The following WNK1 variants were observed in gnomAD, a reference collection of about 807,000 sequenced individuals.
The protein encoded by WNK1 is serine/threonine-protein kinase WNK1.
WNK1 carries 38 observed loss-of-function variants against 222.8 expected under a neutral mutation model. The ratio of observed to expected loss-of-function variants is 0.17; its 90% CI spans 0.13 to 0.22. WNK1 has a LOEUF of 0.22. WNK1 is among the 10% of genes least tolerant of loss of function. The pLI is 1.00. For missense variants in WNK1, 2,348 were observed against 2,918.4 expected (o/e 0.80, Z 4.50); for synonymous variants, 1,090 against 1,092.9 (o/e 1.00, Z 0.05).
chr12:909,043 CTGTTTAT>C lies in WNK1; in HGVS notation c.*252_*258del. Reference sequence around the variant, plus strand: ...AGGGGCAGCTTCAGACCATGCTTTCCTGTTTATCTATACTCAGTAATGAGGATGAGGG... The same window carrying C: ...AGGGGCAGCTTCAGACCATGCTTTCCCTATACTCAGTAATGAGGATGAGGG... On this transcript the variant is annotated 3_prime_UTR_variant, in exon 28 of 28. Coordinates refer to ENST00000315939, the MANE Select transcript of WNK1 (RefSeq NM_018979.4). 1 of 529,024 alleles carries C rather than the reference CTGTTTAT, an allele frequency of 1.9e-6. No individual in the cohort carries two copies. The highest frequency in any genetic ancestry group is 3.4e-6 in the Non-Finnish European group (1 of 292,402). 32.8% of individuals were successfully genotyped at this position (529,024 alleles called of 1,614,324 possible).
chr12:862,802 A>C lies in WNK1; in HGVS notation c.2139+532A>C, dbSNP rs72648696. On this transcript the variant is annotated intron_variant, in intron 8 of 27. Coordinates refer to ENST00000315939, the MANE Select transcript of WNK1 (RefSeq NM_018979.4). ...TTGCTGTGTGTGTTCCTGCCTTTTAAAGTCTGTGTTGGACACAAGTTCCTT... is the reference window on the plus strand; with the variant it reads ...TTGCTGTGTGTGTTCCTGCCTTTTACAGTCTGTGTTGGACACAAGTTCCTT... Among the ~76,000 whole-genome samples the C allele has an allele frequency of 2.3e-4, 35 of 152,252 alleles. 1 individual carries two copies. The highest frequency in any genetic ancestry group is 8.4e-4 in the African/African-American group (35 of 41,536).
At chr12:906,361 C>T (rs1432486079) in intron 26 of WNK1, 2 of 985,322 alleles carry the variant, frequency 2.0e-6, no homozygotes, top group Non-Finnish European at 2.4e-6. Flanking sequence ...TAGACTCCCT[C>T]CTCTCTCATC....
chr12:825,973 G>C (rs965623279), intron 2 of WNK1, among the ~76,000 whole-genome samples: 15 of 152,270 alleles, frequency 9.9e-5, no homozygotes, highest in African/African-American at 3.6e-4. Context: ...AGAGGTCTCT[G>C]TTCAGTTCTT....
At chr12:822,381 C>T (rs1303996321) in intron 2 of WNK1, among the ~76,000 whole-genome samples, 1 of 152,184 alleles carries the variant, frequency 6.6e-6, no homozygotes, top group Non-Finnish European at 1.5e-5. Context: ...GCGTAAGCCA[C>T]CGCCCGCAGC....
chr12:890,605 C>T lies in WNK1; in HGVS notation c.5509+92C>T, dbSNP rs924313399. 13 of 1,323,728 alleles carry T rather than the reference C, an allele frequency of 9.8e-6. No individual in the cohort carries two copies. The African/African-American group carries it at 1.0e-4, about 10-fold the overall frequency. The allele number at this position is 1,323,728 out of a possible 1,614,324, so 82.0% of individuals were successfully genotyped here. A position where few individuals can be genotyped will look rare whatever the true frequency, so the allele number is the denominator to read the frequency against. ...TTACCGTTTCAAAGACACATTTCCA[C>T]GTATTTGATAACTGAGGAGCATTGG... On this transcript the variant is annotated intron_variant, in intron 22 of 27. Transcript: ENST00000315939.
chr12:891,147 C>CT (rs1025465750), intron 22 of WNK1, among the ~76,000 whole-genome samples: 6 of 151,092 alleles, frequency 4.0e-5, no homozygotes, highest in Admixed American at 1.3e-4. Flanking sequence ...TGGAATATTT[C>CT]TTTTTTTTTG....
rs1255046551 is a variant in WNK1 at position 827,523 on chromosome 12, G to C, written c.1153+261G>C. ...AAAACCTAATGTAATAGCCTTTTTT[G>C]TTGTTGTTGTTGTTGTTGTTGTTGA... is the stretch of plus-strand genomic sequence containing the variant. On this transcript the variant is annotated intron_variant, in intron 3 of 27. Transcript: ENST00000315939. The surrounding 1 kb of genome is among the most constrained non-coding windows in gnomAD (Gnocchi z 4.6). The C allele has an allele frequency of 1.2e-4, 5 of 43,128 alleles. No individual in the cohort carries two copies. The highest frequency in any genetic ancestry group is 2.0e-4 in the Non-Finnish European group (5 of 24,920). 2.7% of individuals were successfully genotyped at this position (43,128 alleles called of 1,614,324 possible).
At chr12:782,202 A>G (rs1308926069) in intron 1 of WNK1, among the ~76,000 whole-genome samples, 2 of 152,210 alleles carry the variant, frequency 1.3e-5, no homozygotes, top group African/African-American at 4.8e-5. Flanking sequence ...TTATGACCTA[A>G]TTATCATTTT....
At chr12:874,549 GAGTTC>G (rs979898633) in intron 9 of WNK1, among the ~76,000 whole-genome samples, 2 of 152,012 alleles carry the variant, frequency 1.3e-5, no homozygotes, top group African/African-American at 4.8e-5. Flanking sequence ...TTTCCTAATT[GAGTTC>G]AGATACTGAA....
At chr12:877,958 A>C (rs1952779220) in intron 9 of WNK1, 1 of 506,982 alleles carries the variant, frequency 2.0e-6, no homozygotes, top group Admixed American at 3.1e-5. Context: ...GGGGTGAGGG[A>C]GATAATTGGG....
chr12:754,394 G>T (rs1426422551), intron 1 of WNK1, 70 bp downstream of exon 1: 1 of 1,594,948 alleles, frequency 6.3e-7, no homozygotes, highest in African/African-American at 1.3e-5. Context: ...CCAGTTGATC[G>T]AGTTCACCCT....
chr12:865,189 T>C lies in WNK1; in HGVS notation c.2139+2919T>C, dbSNP rs72649847. 18 of 1,535,494 alleles carry C rather than the reference T, an allele frequency of 1.2e-5. No individual in the cohort carries two copies. Among genetic ancestry groups the C allele is most frequent in the African/African-American group, 2.7e-5 (2 of 72,882 alleles). ...CTGTGTCCCGCATCTCTCCCAGTGC[T>C]CTTCCACCCCACCGCCAGTACTGTC... On this transcript the variant is annotated intron_variant, in intron 8 of 27. Coordinates refer to ENST00000315939, the MANE Select transcript of WNK1 (RefSeq NM_018979.4).
At chr12:818,590 T>C (rs966581073) in intron 2 of WNK1, among the ~76,000 whole-genome samples, 3 of 152,248 alleles carry the variant, frequency 2.0e-5, no homozygotes, top group African/African-American at 4.8e-5. Context: ...TAGAATGCTT[T>C]TCATGTCACA....
intron 8 of WNK1, chr12:868,185 CTA>C: frequency 6.2e-7 from 1 of 1,613,856 alleles, no homozygotes; most frequent in Non-Finnish European, 8.5e-7. Context: ...CAGGTCCATC[CTA>C]TGTTTGAACC....
In WNK1 at chr12:897,611, A is replaced by C. The variant is rs746239695; in HGVS notation, c.6378A>C (p.Arg2126=). 2 of 1,614,176 alleles carry C rather than the reference A, an allele frequency of 1.2e-6. No individual in the cohort carries two copies. The highest frequency in any genetic ancestry group is 1.7e-6 in the Non-Finnish European group (2 of 1,180,030). Residue 2126 remains arginine (R), a synonymous_variant, in exon 25 of 28, where the codon CGA becomes CGC. Coordinates refer to ENST00000315939, the MANE Select transcript of WNK1 (RefSeq NM_018979.4). ...CTCCCCTTTCAGGGAGAAGACGACG[A>C]CCCACTAAAAGCAAAGGCAGCAAAT... The part of the protein sequence containing the change: ...PAAPLSGRRR[R]PTKSKGSKSS...
chr12:881,071 G>C (rs975234279), intron 12 of WNK1, 72 bp downstream of exon 12: 2 of 1,587,048 alleles, frequency 1.3e-6, no homozygotes, highest in Admixed American at 3.4e-5. Flanking sequence ...AAAGGAGAAA[G>C]AAACAGGCTC....
rs1317165482 is a variant in WNK1, at chr12:908,574, A to G, written c.6931A>G (p.Thr2311Ala). 1 of 1,613,958 alleles carries G rather than the reference A, an allele frequency of 6.2e-7. No homozygotes were observed. The highest frequency in any genetic ancestry group is 8.5e-7 in the Non-Finnish European group (1 of 1,180,028). The change falls in exon 28 of 28, where the codon ACC (threonine) becomes GCC (alanine). Residue 2311 changes from threonine to alanine, a missense_variant. By Grantham distance (58) the Thr-to-Ala change is moderately conservative (BLOSUM62 0). This residue lies in a region of WNK1 where 55 missense variants were observed against 104.1 expected (regional missense o/e 0.53). Transcript: ENST00000315939. ...GSAPISAASATSLGHFTKSMC... is the reference protein window; with the variant it reads ...GSAPISAASAASLGHFTKSMC... Reference sequence around the variant, plus strand: ...TGCCCCCATCTCTGCAGCATCAGCTACCTCTCTAGGTCACTTCACCAAGTC... The same window carrying G: ...TGCCCCCATCTCTGCAGCATCAGCTGCCTCTCTAGGTCACTTCACCAAGTC...
intron 5 of WNK1, among the ~76,000 whole-genome samples, chr12:858,530 A>G (rs1254744543): frequency 6.6e-6 from 1 of 152,190 alleles, no homozygotes; most frequent in African/African-American, 2.4e-5. Flanking sequence ...GATGATTGGC[A>G]TATTGAAACC....
chr12:759,069 G>A (rs945549143), intron 1 of WNK1, among the ~76,000 whole-genome samples: 1 of 146,650 alleles, frequency 6.8e-6, no homozygotes, highest in African/African-American at 2.4e-5. Flanking sequence ...TCATCCCTAT[G>A]GAAACATTCA....
Sources: gnomAD v4.1 joint callset for allele counts (sites outside exome capture counted in the v4.1 genomes callset) on GRCh38, gnomAD v4.1.1 for gene constraint, gnomAD v4.1.1 regional missense constraint, Gnocchi (gnomAD v3.1) non-coding constraint, MANE v1.5 for transcripts, NCBI Gene and HGNC (gene_info 2026-07-23, HGNC 2026-07-21) for gene names.